Variants in GSDMC observed in about 807,000 individuals in gnomAD.
GSDMC encodes gasdermin C, also known as gasdermin-C.
In GSDMC, 59 loss-of-function variants were observed where a neutral mutation model predicts 58.0. The observed-to-expected ratio is 1.02, with a 90% CI of 0.82 to 1.26. The LOEUF (loss-of-function observed/expected upper bound fraction) is 1.26. Among genes scored for constraint, GSDMC ranks in the 50% most tolerant of loss-of-function variants. GSDMC has a pLI of 0.00. For missense variants in GSDMC, 659 were observed against 598.5 expected (o/e 1.10, Z -1.06); for synonymous variants, 241 against 220.2 (o/e 1.09, Z -0.83).
chr8:129,720,513 A>C, the GSDMC span, among the ~76,000 whole-genome samples: 1 of 152,322 alleles, frequency 6.6e-6, no homozygotes, highest in African/African-American at 2.4e-5. Context: ...TATACATATA[A>C]GAATAATTCC....
the GSDMC span, among the ~76,000 whole-genome samples, chr8:129,708,146 A>G: frequency 1.3e-5 from 2 of 152,214 alleles, no homozygotes; most frequent in Non-Finnish European, 2.9e-5. Flanking sequence ...AAAGATAAAA[A>G]GACTAAGAAT....
downstream of GSDMC, among the ~76,000 whole-genome samples, chr8:129,745,107 AT>A (rs1379165263): frequency 6.6e-6 from 1 of 152,212 alleles, no homozygotes; most frequent in Non-Finnish European, 1.5e-5. Flanking sequence ...CTACAAGCCC[AT>A]GAAAATTGCT....
chr8:129,762,865 A>G (rs76545171), intron 4 of GSDMC, 134 bp from the exon 5 acceptor site: 9,471 of 587,054 alleles, frequency 0.016, 463 homozygotes, highest in East Asian at 0.13. Flanking sequence ...CTGATTTCCA[A>G]TCACTGCTCT....
At chr8:129,735,614 A>C in the GSDMC span, among the ~76,000 whole-genome samples, 91,860 of 152,088 alleles carry the variant, frequency 0.6, 30,555 homozygotes, top group African/African-American at 0.88. Context: ...CCAATGAGAA[A>C]AAAAACACAA....
chr8:129,767,987 C>A (rs1489310235), intron 3 of GSDMC, among the ~76,000 whole-genome samples: 2 of 152,074 alleles, frequency 1.3e-5, no homozygotes, highest in African/African-American at 4.8e-5. Context: ...ACCACAAAGC[C>A]AGTCAAAATC....
At chr8:129,734,754 C>T in the GSDMC span, among the ~76,000 whole-genome samples, 1 of 152,302 alleles carries the variant, frequency 6.6e-6, no homozygotes, top group African/African-American at 2.4e-5. Context: ...ACTGCATCAA[C>T]TAACAAGCAA....
intron 1 of GSDMC, among the ~76,000 whole-genome samples, chr8:129,784,991 T>G (rs989112010): frequency 2.6e-5 from 4 of 152,086 alleles, no homozygotes; most frequent in Admixed American, 2.6e-4. Context: ...GGCGGGTGGA[T>G]CAACTGAGGT....
In GSDMC at chr8:129,748,392, C is replaced by A; in HGVS notation, c.*109G>T. On this transcript the variant is annotated 3_prime_UTR_variant, in exon 14 of 14. Transcript: ENST00000276708. ...TCTACCCATTACTGTCTCTACTCCACCTGGAAACGCAGAGAGGCACAGCCC... is the reference window on the plus strand; with the variant it reads ...TCTACCCATTACTGTCTCTACTCCAACTGGAAACGCAGAGAGGCACAGCCC... The A allele has an allele frequency of 8.9e-7, 1 of 1,128,858 alleles. No individual in the cohort carries two copies. Among genetic ancestry groups the A allele is most frequent in the Non-Finnish European group, 1.2e-6 (1 of 810,424 alleles). 69.9% of individuals were successfully genotyped at this position (1,128,858 alleles called of 1,614,324 possible).
At chr8:129,777,327 G>A (rs756169826) in intron 2 of GSDMC, 41 bp downstream of exon 2, 5 of 1,252,092 alleles carry the variant, frequency 4.0e-6, no homozygotes, top group Non-Finnish European at 5.8e-6. Flanking sequence ...GACCACACAT[G>A]TTTTTCACCC....
chr8:129,727,572 G>A, the GSDMC span, among the ~76,000 whole-genome samples: 4 of 152,178 alleles, frequency 2.6e-5, no homozygotes, highest in African/African-American at 7.2e-5. Flanking sequence ...GTGGAACTAA[G>A]TTGGGGAGAG....
At chr8:129,722,318 C>A in the GSDMC span, among the ~76,000 whole-genome samples, 2 of 152,134 alleles carry the variant, frequency 1.3e-5, no homozygotes, top group Admixed American at 1.3e-4. Context: ...AATGAATAAT[C>A]AATGTGGGTG....
the GSDMC span, among the ~76,000 whole-genome samples, chr8:129,733,461 C>A: frequency 1.3e-5 from 2 of 152,172 alleles, no homozygotes; most frequent in South Asian, 4.1e-4. Flanking sequence ...GATGAAACTT[C>A]CAGAGGAAGG....
Position 129,749,438 on chromosome 8 carries a change from TG to T in GSDMC, c.1287+13del. 1.3e-6 allele frequency: 2 copies of T among 1,584,306 alleles called. No homozygotes were observed. The highest frequency in any genetic ancestry group is 1.7e-6 in the Non-Finnish European group (2 of 1,152,824). On this transcript the variant is annotated intron_variant, in intron 13 of 13. Transcript: ENST00000276708. ...CCCTCTTCCCTGAACTTCTGGCCCC[TG>T]GGAAGTTCTCACCAGCTCCTGTTGC...
At chr8:129,760,665 TATCAAAACCACTGGGATGCCTGTTAA>T in intron 5 of GSDMC, 76 bp from the exon 6 acceptor site, 1 of 345,140 alleles carries the variant, frequency 2.9e-6, no homozygotes, top group South Asian at 3.7e-5. Context: ...GAACTCCTTA[TATCAAAACCACTGGGATGCCTGTTAA>T]ATCTGACCAC....
chr8:129,750,890 A>T (rs1190872227), intron 10 of GSDMC, among the ~76,000 whole-genome samples: 3 of 152,188 alleles, frequency 2.0e-5, no homozygotes, highest in Non-Finnish European at 4.4e-5. Flanking sequence ...AATACTGTAA[A>T]ATCTAGCATT....
chr8:129,748,479 C>A lies in GSDMC; in HGVS notation c.*22G>T, dbSNP rs1042471734. The A allele has an allele frequency of 1.9e-6, 3 of 1,584,806 alleles. No homozygotes were observed. Among genetic ancestry groups the A allele is most frequent in the African/African-American group, 1.3e-5 (1 of 74,280 alleles). On this transcript the variant is annotated 3_prime_UTR_variant, in exon 14 of 14. Coordinates refer to ENST00000276708, the MANE Select transcript of GSDMC (RefSeq NM_031415.3). ...CTGGGCGAGGGCCAGCATCTCTGGA[C>A]TGACTGCCCATCAGGGAGGGCTTAG...
the GSDMC span, chr8:129,730,450 A>G: frequency 9.5e-7 from 1 of 1,048,360 alleles, no homozygotes; most frequent in Admixed American, 2.9e-5. Context: ...GTTTAAGTTG[A>G]TTTTTTATTC....
the GSDMC span, among the ~76,000 whole-genome samples, chr8:129,737,843 A>G: frequency 6.6e-6 from 1 of 152,262 alleles, no homozygotes; most frequent in Non-Finnish European, 1.5e-5. Context: ...GCTTCTGCAC[A>G]GCAAAAGAAG....
chr8:129,736,360 C>A, the GSDMC span, among the ~76,000 whole-genome samples: 1 of 152,214 alleles, frequency 6.6e-6, no homozygotes, highest in Non-Finnish European at 1.5e-5. Flanking sequence ...AGACCAATAT[C>A]CCTGATGAAC....
Sources: gnomAD v4.1 joint callset for allele counts (sites outside exome capture counted in the v4.1 genomes callset) on GRCh38, gnomAD v4.1.1 for gene constraint, MANE v1.5 for transcripts, NCBI Gene and HGNC (gene_info 2026-07-23, HGNC 2026-07-21) for gene names.